Variants in CRACDL observed in about 807,000 individuals in gnomAD.
CRACDL encodes the protein CRACD like.
In CRACDL, 26 loss-of-function variants were observed where a neutral mutation model predicts 70.6. The observed-to-expected ratio is 0.37, with a 90% confidence interval of 0.27 to 0.51. CRACDL has a LOEUF of 0.51. Among genes scored for constraint, CRACDL ranks in the 20% least tolerant of loss-of-function variants. The pLI is 0.94. For missense variants in CRACDL, 1,283 were observed against 1,376.9 expected, an observed-to-expected ratio of 0.93 and a Z score of 1.08; for synonymous variants, 618 against 615.2, an observed-to-expected ratio of 1.00 and a Z score of -0.07.
intron 1 of CRACDL, among the ~76,000 whole-genome samples, chr2:98,850,920 C>T (rs541203511): frequency 2.6e-5 from 4 of 152,314 alleles, no homozygotes; most frequent in African/African-American, 7.2e-5. Context: ...AAAAGTTAAT[C>T]CACATAAAGA....
chr2:98,875,527 C>T (rs1489420344), intron 1 of CRACDL, among the ~76,000 whole-genome samples: 1 of 127,878 alleles, frequency 7.8e-6, no homozygotes, highest in Non-Finnish European at 1.7e-5. Flanking sequence ...GAAGGAAAGT[C>T]CCAGTTGACA....
In CRACDL at chr2:98,823,976, G is replaced by A. The variant is rs912929383; in HGVS notation, c.736-439C>T. ...AGAGGCCAATACCTTGTTCAAGCCT[G>A]GGCAAGCAGGTGGCCGAGCTGAACA... On this transcript the variant is annotated intron_variant, in intron 6 of 9. Coordinates refer to ENST00000397899, the MANE Select transcript of CRACDL (RefSeq NM_207362.3). This position sits in a 1 kb window ranked among gnomAD's most constrained non-coding sequence, Gnocchi z 4.0. Among the ~76,000 whole-genome samples, 1 of 152,160 alleles carries A rather than the reference G, an allele frequency of 6.6e-6. No homozygotes were observed. Among genetic ancestry groups the A allele is most frequent in the African/African-American group, 2.4e-5 (1 of 41,422 alleles).
At chr2:98,872,782 G>T (rs1297780925) in intron 1 of CRACDL, among the ~76,000 whole-genome samples, 1 of 152,154 alleles carries the variant, frequency 6.6e-6, no homozygotes, top group African/African-American at 2.4e-5. Flanking sequence ...TGTACAAAAT[G>T]ATGTATGCAG....
chr2:98,906,723 T>A (rs1708426768), intron 1 of CRACDL, among the ~76,000 whole-genome samples: 1 of 152,250 alleles, frequency 6.6e-6, no homozygotes, highest in Non-Finnish European at 1.5e-5. Context: ...TTGTTATTAG[T>A]CTCATTGTCC....
chr2:98,810,788 A>T (rs936070054), intron 7 of CRACDL, among the ~76,000 whole-genome samples: 2 of 152,204 alleles, frequency 1.3e-5, no homozygotes, highest in African/African-American at 4.8e-5. Context: ...TATCATAGAG[A>T]AACAACCGTG....
chr2:98,800,174 CAA>C (rs770758640), intron 7 of CRACDL, among the ~76,000 whole-genome samples: 1 of 152,144 alleles, frequency 6.6e-6, no homozygotes, highest in Admixed American at 6.6e-5. Context: ...TCAAAAAGCT[CAA>C]AGTCTAGTTG....
At chr2:98,931,696 C>T (rs1709084120) in intron 1 of CRACDL, among the ~76,000 whole-genome samples, 2 of 152,238 alleles carry the variant, frequency 1.3e-5, no homozygotes. Flanking sequence ...CCATAATTTC[C>T]TTTCACAGAT....
At position 98,835,096 on chromosome 2, in the gene CRACDL, G is replaced by T. The variant is rs547759829; in HGVS notation, c.240-2099C>A. Among the ~76,000 whole-genome samples, 55 of 152,190 alleles carry T rather than the reference G, an allele frequency of 3.6e-4. 1 individual carries two copies. Among genetic ancestry groups the T allele is most frequent in the African/African-American group, 1.3e-3 (55 of 41,558 alleles). On this transcript the variant is annotated intron_variant, in intron 3 of 9. Transcript: ENST00000397899. The stretch of plus-strand genomic sequence containing the variant: ...TAGGTTAAAGAAAATAAGTCATTTT[G>T]TTAATATCATAAGGAGCCCTGGTTT...
chr2:98,915,001 A>G lies in CRACDL; in HGVS notation c.-11+20937T>C, dbSNP rs564198581. On this transcript the variant is annotated intron_variant, in intron 1 of 9. Transcript: ENST00000397899. ...TGCTGTCCAGAGTCCCCGGGTCTAG[A>G]AGACCCAGGGTCTTGGCACCAGCCT... Among the ~76,000 whole-genome samples, 10 of 152,260 alleles carry G rather than the reference A, an allele frequency of 6.6e-5. No individual in the cohort carries two copies. The East Asian group carries it at 1.9e-3, about 29-fold the overall frequency.
At chr2:98,892,800 T>TTA (rs1708012989) in intron 1 of CRACDL, among the ~76,000 whole-genome samples, 1 of 152,144 alleles carries the variant, frequency 6.6e-6, no homozygotes, top group African/African-American at 2.4e-5. Context: ...AATATGCATA[T>TTA]TATATATATG....
At chr2:98,896,238 C>T (rs1007002888) in intron 1 of CRACDL, among the ~76,000 whole-genome samples, 5 of 152,086 alleles carry the variant, frequency 3.3e-5, no homozygotes, top group Non-Finnish European at 4.4e-5. Flanking sequence ...GTTTCACATG[C>T]GGGCATGAGA....
intron 2 of CRACDL, among the ~76,000 whole-genome samples, chr2:98,841,921 C>A (rs1706043829): frequency 1.3e-5 from 2 of 152,102 alleles, no homozygotes; most frequent in South Asian, 4.1e-4. Flanking sequence ...AGAAGTTAGG[C>A]ATAAGTTACT....
chr2:98,889,285 G>GAGAAAGAAAGAAAGAAAGAAAGAAAGAA (rs55635946), intron 1 of CRACDL, among the ~76,000 whole-genome samples: 11 of 141,072 alleles, frequency 7.8e-5, no homozygotes, highest in South Asian at 2.5e-4. Context: ...GAAAAAGAGA[G>GAGAAAGAAAGAAAGAAAGAAAGAAAGAA]AGAAAGAAAG....
intron 1 of CRACDL, among the ~76,000 whole-genome samples, chr2:98,882,905 A>T (rs895458664): frequency 5.3e-5 from 8 of 152,222 alleles, no homozygotes; most frequent in African/African-American, 1.7e-4. Flanking sequence ...TTGTGGATTC[A>T]CAGGGTAGAG....
In CRACDL at chr2:98,906,891, G is replaced by A. The variant is rs111859174; in HGVS notation, c.-11+29047C>T. ...TAGGTTTTGTTATGGAGAGTTTAGC[G>A]TGGTCTTGGGGCTAGAGCAGTCTTA... On this transcript the variant is annotated intron_variant, in intron 1 of 9. Coordinates refer to ENST00000397899, the MANE Select transcript of CRACDL (RefSeq NM_207362.3). 1.2e-4 allele frequency among the ~76,000 whole-genome samples: 18 copies of A among 152,258 alleles called. No individual in the cohort carries two copies. The South Asian group carries it at 1.4e-3, about 12-fold the overall frequency.
Position 98,822,203 on chromosome 2 carries a change from G to A in CRACDL, c.2070C>T (p.Ser690=), listed in dbSNP as rs759040270. Reference sequence around the variant, plus strand: ...CGCCATCCCTGTATTTGAGCGAGAGGGAGGTGGACCGGAGCTTGACGGGGA... The same window carrying A: ...CGCCATCCCTGTATTTGAGCGAGAGAGAGGTGGACCGGAGCTTGACGGGGA... The part of the protein sequence containing the change: ...NPFPVKLRST[S]LSLKYRDGAS... The change falls in exon 7 of 10, where the codon TCC becomes TCT. Residue 690 remains serine, a synonymous_variant. Coordinates refer to ENST00000397899, the MANE Select transcript of CRACDL (RefSeq NM_207362.3). This position sits in a 1 kb window ranked among gnomAD's most constrained non-coding sequence, Gnocchi z 4.9. 43 of 1,610,500 alleles carry A rather than the reference G, an allele frequency of 2.7e-5. No individual in the cohort carries two copies. The highest frequency in any genetic ancestry group is 3.6e-5 in the Non-Finnish European group (42 of 1,179,332).
chr2:98,887,566 G>A (rs989740000), intron 1 of CRACDL, among the ~76,000 whole-genome samples: 8 of 152,146 alleles, frequency 5.3e-5, no homozygotes, highest in Admixed American at 1.3e-4. Context: ...CCACAGAAAC[G>A]GAGGAAAGAG....
At chr2:98,897,501 C>T (rs1708160121) in intron 1 of CRACDL, 1 of 735,448 alleles carries the variant, frequency 1.4e-6, no homozygotes, top group Non-Finnish European at 2.0e-6. Flanking sequence ...ATGAGCAAAA[C>T]ACCAAAACCT....
In CRACDL at chr2:98,832,851, GA is replaced by G; in HGVS notation, c.375+10del. ...TTGCACACCAGGCGACATGACCAAG[GA>G]AACATTTACCTGCAGAGCTTTAATC... On this transcript the variant is annotated intron_variant, in intron 4 of 9. Coordinates refer to ENST00000397899, the MANE Select transcript of CRACDL (RefSeq NM_207362.3). The G allele has an allele frequency of 6.2e-7, 1 of 1,613,378 alleles. No individual in the cohort carries two copies.
Sources: allele counts gnomAD v4.1 joint callset (sites outside exome capture counted in the v4.1 genomes callset), GRCh38; gene constraint gnomAD v4.1.1; non-coding constraint Gnocchi (gnomAD v3.1); transcripts MANE v1.5; gene names NCBI Gene and HGNC (gene_info 2026-07-23, HGNC 2026-07-21).